Variants in MUC5B observed in about 807,000 individuals in gnomAD.
MUC5B encodes the protein mucin 5B, oligomeric mucus/gel-forming, also known as mucin-5B.
A neutral mutation model predicts 376.9 loss-of-function variants in MUC5B; 116 were observed. The observed-to-expected ratio is 0.31, with a 90% confidence interval of 0.26 to 0.36. The LOEUF is 0.36. MUC5B is among the 10% of genes least tolerant of loss of function. MUC5B has a pLI of 1.00. For synonymous variants in MUC5B, 3,517 were observed against 3,390.9 expected, an observed-to-expected ratio of 1.04 and a Z score of -1.29; for missense variants, 7,165 against 7,769.9, an observed-to-expected ratio of 0.92 and a Z score of 2.93.
Position 1,252,435 on chromosome 11 carries a change from T to G in MUC5B, c.14956T>G (p.Cys4986Gly). ...TGACATTGACCGCTTCCAGGGCGCCTGTCCCACCTCCCCACCGCCAGTGTC... is the reference window on the plus strand; with the variant it reads ...TGACATTGACCGCTTCCAGGGCGCCGGTCCCACCTCCCCACCGCCAGTGTC... The part of the protein sequence containing the change: ...HCDIDRFQGA[C>G]PTSPPPVSSA... The change falls in exon 32 of 49, where the codon TGT becomes GGT. Residue 4986 changes from cysteine (C) to glycine (G), a missense_variant. Transcript: ENST00000529681. The G allele has an allele frequency of 6.2e-7, 1 of 1,611,066 alleles. No individual in the cohort carries two copies. The highest frequency in any genetic ancestry group is 8.5e-7 in the Non-Finnish European group (1 of 1,178,984).
intron 32 of MUC5B, 101 bp downstream of exon 32, chr11:1,252,625 C>T (rs1364563903): frequency 2.2e-6 from 3 of 1,388,182 alleles, no homozygotes; most frequent in Non-Finnish European, 2.9e-6. Context: ...TCTCAGTGAC[C>T]CCGCCGCCAG....
At position 1,227,073 on chromosome 11, in the gene MUC5B, G is replaced by C. The variant is rs767179504; in HGVS notation, c.504G>C (p.Gln168His). 4 of 1,612,464 alleles carry C rather than the reference G, an allele frequency of 2.5e-6. No individual in the cohort carries two copies. The highest frequency in any genetic ancestry group is 1.7e-5 in the Admixed American group (1 of 60,012). ...PYSRTGLLVE[Q>H]SGDYIKVSIR... ...GCCGCACTGGCCTCCTGGTGGAGCA[G>C]AGCGGGGACTACATCAAGGTCAGCA... is the stretch of plus-strand genomic sequence containing the variant. The change falls in exon 5 of 49, where the codon CAG becomes CAC. Residue 168 changes from glutamine (Q) to histidine (H), a missense_variant. By Grantham distance (24) the Gln-to-His change is conservative (BLOSUM62 0). This residue lies in a region of MUC5B where 640 missense variants were observed against 733.0 expected (regional missense o/e 0.87). Transcript: ENST00000529681.
chr11:1,229,050 G>A, intron 8 of MUC5B, 120 bp from the exon 9 acceptor site: 1 of 1,255,648 alleles, frequency 8.0e-7, no homozygotes, highest in Non-Finnish European at 1.1e-6. Context: ...CCACCCTGGG[G>A]CCTAGCTCTG....
rs1297628670 is a variant in MUC5B at position 1,249,042 on chromosome 11, A to C, written c.12162A>C (p.Ala4054=). Residue 4054 remains alanine, a synonymous_variant, in exon 31 of 49, where the codon GCA becomes GCC. Coordinates refer to ENST00000529681, the MANE Select transcript of MUC5B (RefSeq NM_002458.3). ...CGGGGACTTCCCACACCCCAGCAGC[A>C]ACCACCGGTACCACCCAGCACTCGA... is the stretch of plus-strand genomic sequence containing the variant. ...PSTGTSHTPA[A]TTGTTQHSTP... 4.4e-6 allele frequency: 7 copies of C among 1,608,778 alleles called. No individual in the cohort carries two copies. Among genetic ancestry groups the C allele is most frequent in the Non-Finnish European group, 5.9e-6 (7 of 1,178,932 alleles).
In MUC5B at chr11:1,252,387, T is replaced by C. The variant is rs572754186; in HGVS notation, c.14908T>C (p.Tyr4970His). ...NKTDRAGCHFYAVCNQHCDID... is the reference protein window; with the variant it reads ...NKTDRAGCHFHAVCNQHCDID... ...GACCGACCGAGCCGGCTGCCATTTC[T>C]ACGCAGTGTGCAATCAGCACTGTGA... The change falls in exon 32 of 49, where the codon TAC becomes CAC. Residue 4970 changes from tyrosine (Y) to histidine (H), a missense_variant. This residue lies in a region of MUC5B where 730 missense variants were observed against 592.7 expected (regional missense o/e 1.23). Transcript: ENST00000529681. 30 of 1,600,356 alleles carry C rather than the reference T, an allele frequency of 1.9e-5. No homozygotes were observed. In the African/African-American group the frequency reaches 3.9e-4, roughly 21 times the overall value.
In MUC5B at chr11:1,251,053, T is replaced by C. The variant is rs375842063; in HGVS notation, c.14173T>C (p.Ser4725Pro). Residue 4725 changes from serine (S) to proline (P), a missense_variant, in exon 31 of 49, where the codon TCC becomes CCC. Physicochemically the swap from Ser to Pro is moderately conservative, Grantham distance 74. Coordinates refer to ENST00000529681, the MANE Select transcript of MUC5B (RefSeq NM_002458.3). ...TPAATSSKAT[S>P]SSSPRTATTL... is the part of the protein sequence containing the mutation. ...CGCAGCCACCAGCTCCAAAGCCACT[T>C]CCTCCTCCAGTCCAAGGACTGCAAC... The C allele has an allele frequency of 1.9e-6, 3 of 1,607,542 alleles. No individual in the cohort carries two copies. The African/African-American group carries it at 4.1e-5, about 22-fold the overall frequency.
chr11:1,231,968 G>A (rs373254624), intron 14 of MUC5B, 28 bp from the exon 15 acceptor site: 17 of 1,611,744 alleles, frequency 1.1e-5, no homozygotes, highest in East Asian at 2.2e-5. Flanking sequence ...AACAGTGGCC[G>A]CTGACATCCC....
rs1862678560 is a variant in MUC5B, at chr11:1,251,202, C to T, written c.14322C>T (p.Thr4774=). The change falls in exon 31 of 49, where the codon ACC becomes ACT. Residue 4774 remains threonine, a synonymous_variant. Coordinates refer to ENST00000529681, the MANE Select transcript of MUC5B (RefSeq NM_002458.3). The part of the protein sequence containing the change: ...VPAQTTTPMS[T]MSTIHTSSTP... Reference sequence around the variant, plus strand: ...CACAGACCACCACACCCATGTCCACCATGTCCACAATCCACACCTCCTCTA... The same window carrying T: ...CACAGACCACCACACCCATGTCCACTATGTCCACAATCCACACCTCCTCTA... The T allele has an allele frequency of 6.2e-7, 1 of 1,611,294 alleles. No individual in the cohort carries two copies. The highest frequency in any genetic ancestry group is 8.5e-7 in the Non-Finnish European group (1 of 1,178,260).
Position 1,239,445 on chromosome 11 carries a change from C to T in MUC5B, c.3462C>T (p.Phe1154=). The T allele has an allele frequency of 6.2e-7, 1 of 1,607,488 alleles. No individual in the cohort carries two copies. The highest frequency in any genetic ancestry group is 8.5e-7 in the Non-Finnish European group (1 of 1,175,940). Residue 1154 remains phenylalanine (F), a synonymous_variant, in exon 27 of 49, where the codon TTC becomes TTT. Transcript: ENST00000529681. ...CTGCCCTCTGTGCCCCAGCCTTGTT[C>T]TGTGACTTCTACAACCCACATGGGG... The part of the protein sequence containing the change: ...SWRTPDTCPL[F]CDFYNPHGGC...
intron 38 of MUC5B, chr11:1,256,455 G>GCATCC: frequency 2.6e-6 from 1 of 381,584 alleles, no homozygotes; most frequent in Non-Finnish European, 4.6e-6. Context: ...ACCTGGCCCC[G>GCATCC]CCACCGAGCC....
intron 24 of MUC5B, 127 bp from the exon 25 acceptor site, chr11:1,236,798 G>C: frequency 7.9e-7 from 1 of 1,262,776 alleles, no homozygotes; most frequent in East Asian, 2.7e-5. Context: ...ACCAGGCACT[G>C]CCTGGGGAAC....
In MUC5B at chr11:1,242,319, C is replaced by T. The variant is rs754613207; in HGVS notation, c.5439C>T (p.Asn1813=). The part of the protein sequence containing the change: ...VAGGDMETFE[N]IRAAGGKMCW... ...GCGGGGACATGGAAACTTTTGAAAA[C>T]ATCAGGGCTGCTGGGGGCAAGATGT... The change falls in exon 31 of 49, where the codon AAC becomes AAT. Residue 1813 remains asparagine (N), a synonymous_variant. Coordinates refer to ENST00000529681, the MANE Select transcript of MUC5B (RefSeq NM_002458.3). 47 of 1,613,746 alleles carry T rather than the reference C, an allele frequency of 2.9e-5. No homozygotes were observed. The African/African-American group carries it at 5.1e-4, about 17-fold the overall frequency.
At chr11:1,254,519 G>A (rs943870734) in intron 34 of MUC5B, among the ~76,000 whole-genome samples, 168 bp downstream of exon 34, 2 of 152,324 alleles carry the variant, frequency 1.3e-5, no homozygotes. Context: ...AGCGCACCCT[G>A]TGGCCTAAAT....
rs774955343 is a variant in MUC5B, at chr11:1,246,260, C to T, written c.9380C>T (p.Ser3127Phe). 1.2e-6 allele frequency: 2 copies of T among 1,612,838 alleles called. No individual in the cohort carries two copies. The highest frequency in any genetic ancestry group is 1.7e-6 in the Non-Finnish European group (2 of 1,179,438). ...RATSSMSTPS[S>F]TPGTTWILTE... ...ACCAGTTCCATGTCCACCCCCTCCT[C>T]CACTCCGGGGACGACCTGGATCCTC... The change falls in exon 31 of 49, where the codon TCC (serine) becomes TTC (phenylalanine). Residue 3127 changes from serine (S) to phenylalanine (F), a missense_variant. Ser to Phe is a radical substitution (Grantham distance 155). Transcript: ENST00000529681.
At position 1,248,625 on chromosome 11, in the gene MUC5B, C is replaced by G; in HGVS notation, c.11745C>G (p.Thr3915=). 1 of 1,612,024 alleles carries G rather than the reference C, an allele frequency of 6.2e-7. No homozygotes were observed. The highest frequency in any genetic ancestry group is 8.5e-7 in the Non-Finnish European group (1 of 1,179,296). The part of the protein sequence containing the change: ...TPSSVPGTTH[T]PTVLTTTTTT... ...CCTCCGTCCCGGGGACCACCCACAC[C>G]CCCACAGTGCTGACCACCACCACCA... The change falls in exon 31 of 49, where the codon ACC becomes ACG. Residue 3915 remains threonine (T), a synonymous_variant. Coordinates refer to ENST00000529681, the MANE Select transcript of MUC5B (RefSeq NM_002458.3).
chr11:1,246,465 G>T lies in MUC5B; in HGVS notation c.9585G>T (p.Val3195=). 1 of 1,613,316 alleles carries T rather than the reference G, an allele frequency of 6.2e-7. No homozygotes were observed. Among genetic ancestry groups the T allele is most frequent in the Non-Finnish European group, 8.5e-7 (1 of 1,179,706 alleles). ...STRATAGTLK[V]LTSTATTPTV... ...GGGCAACTGCTGGCACCCTCAAAGT[G>T]CTGACCAGCACGGCCACCACACCCA... Residue 3195 remains valine, a synonymous_variant, in exon 31 of 49, where the codon GTG becomes GTT. Transcript: ENST00000529681.
intron 46 of MUC5B, 101 bp downstream of exon 46, chr11:1,260,186 G>T: frequency 1.4e-6 from 2 of 1,402,126 alleles, no homozygotes. Context: ...CCCCACCCCT[G>T]CTGGGGAGGC....
chr11:1,225,584 C>G, intron 1 of MUC5B, 97 bp from the exon 2 acceptor site: 7 of 1,126,344 alleles, frequency 6.2e-6, no homozygotes, highest in South Asian at 1.5e-5. Flanking sequence ...ACCCCACATG[C>G]GGCTGCCGCA....
rs372662304 is a variant in MUC5B at position 1,239,903 on chromosome 11, G to A, written c.3688G>A (p.Val1230Ile). Residue 1230 changes from valine (V) to isoleucine (I), a missense_variant, in exon 28 of 49, where the codon GTC becomes ATC. By Grantham distance (29) the Val-to-Ile change is conservative (BLOSUM62 3). Coordinates refer to ENST00000529681, the MANE Select transcript of MUC5B (RefSeq NM_002458.3). ...CYDKDGNYYD[V>I]GARVPTAENC... is the part of the protein sequence containing the mutation. Reference sequence around the variant, plus strand: ...CGACAAGGACGGAAACTACTATGACGTCGGTGCAAGGGTCCCCACAGCGGA... The same window carrying A: ...CGACAAGGACGGAAACTACTATGACATCGGTGCAAGGGTCCCCACAGCGGA... 6.8e-5 allele frequency: 110 copies of A among 1,613,382 alleles called. No individual in the cohort carries two copies. The African/African-American group carries it at 9.5e-4, about 14-fold the overall frequency.
Sources: gnomAD v4.1 joint callset for allele counts (sites outside exome capture counted in the v4.1 genomes callset) on GRCh38, gnomAD v4.1.1 for gene constraint, gnomAD v4.1.1 regional missense constraint, MANE v1.5 for transcripts, NCBI Gene and HGNC (gene_info 2026-07-23, HGNC 2026-07-21) for gene names.